ACSM1: variants seen among roughly 807,000 people sequenced by gnomAD.
ACSM1 encodes acyl-coenzyme A synthetase ACSM1, mitochondrial.
ACSM1 carries 79 observed loss-of-function variants against 75.8 expected under a neutral mutation model. The observed-to-expected ratio is 1.04, with a 90% CI of 0.87 to 1.26. ACSM1 has a LOEUF of 1.26. ACSM1 is among the 50% of genes most tolerant of loss of function. The pLI is 0.00. For missense variants in ACSM1, 676 were observed against 720.1 expected (o/e 0.94, Z 0.70); for synonymous variants, 279 against 265.8 (o/e 1.05, Z -0.48).
At chr16:20,627,776 C>A (rs958582959) in intron 10 of ACSM1, among the ~76,000 whole-genome samples, 7 of 148,680 alleles carry the variant, frequency 4.7e-5, no homozygotes, top group Non-Finnish European at 1.0e-4. Flanking sequence ...TTGCAGTGAG[C>A]CAAGATCGCG....
chr16:20,651,435 C>T (rs2018641974), intron 7 of ACSM1, among the ~76,000 whole-genome samples: 1 of 151,852 alleles, frequency 6.6e-6, no homozygotes, highest in African/African-American at 2.4e-5. Context: ...TCAAGACCAG[C>T]TTGGTCAACA....
At chr16:20,644,612 T>C (rs2152225151) in intron 7 of ACSM1, among the ~76,000 whole-genome samples, 1 of 151,716 alleles carries the variant, frequency 6.6e-6, no homozygotes, top group East Asian at 1.9e-4. Flanking sequence ...AGGGAAACTC[T>C]TGTAGAAGCA....
At chr16:20,640,721 G>C (rs1156240276) in intron 7 of ACSM1, 137 bp from the exon 8 acceptor site, 21 of 1,426,968 alleles carry the variant, frequency 1.5e-5, no homozygotes, top group African/African-American at 2.9e-5. Flanking sequence ...TTTTACAGTT[G>C]GCCATGGCCA....
intron 7 of ACSM1, among the ~76,000 whole-genome samples, chr16:20,654,230 C>G (rs1016924734): frequency 6.6e-6 from 1 of 151,132 alleles, no homozygotes; most frequent in Non-Finnish European, 1.5e-5. Flanking sequence ...GGATCCCTTC[C>G]CCTTATACAA....
intron 6 of ACSM1, among the ~76,000 whole-genome samples, chr16:20,667,459 T>C (rs948864211): frequency 5.3e-5 from 8 of 152,186 alleles, no homozygotes; most frequent in African/African-American, 1.9e-4. Flanking sequence ...CACAGTGAGA[T>C]ACCATCTCAC....
intron 6 of ACSM1, among the ~76,000 whole-genome samples, 196 bp downstream of exon 6, chr16:20,669,631 T>A (rs190630118): frequency 6.6e-6 from 1 of 152,224 alleles, no homozygotes; most frequent in East Asian, 1.9e-4. Context: ...TAATACACAT[T>A]TTCTTCAAGG....
intron 7 of ACSM1, among the ~76,000 whole-genome samples, chr16:20,660,597 T>C (rs1288535921): frequency 6.6e-6 from 1 of 152,218 alleles, no homozygotes; most frequent in African/African-American, 2.4e-5. Context: ...TTGGCTGTCA[T>C]ATGAGCTTTG....
At chr16:20,680,426 T>G (rs77734337) in intron 4 of ACSM1, 1 of 152,252 alleles carries the variant, frequency 6.6e-6, no homozygotes, top group Non-Finnish European at 1.5e-5. Context: ...GCTGAAAACA[T>G]AGCTGGCAGC....
At chr16:20,634,966 T>C (rs1468246722) in intron 10 of ACSM1, among the ~76,000 whole-genome samples, 1 of 152,216 alleles carries the variant, frequency 6.6e-6, no homozygotes, top group East Asian at 1.9e-4. Flanking sequence ...ATGGTAATTC[T>C]GTAATTCTTT....
chr16:20,671,729 T>C, intron 4 of ACSM1, 58 bp from the exon 5 acceptor site: 1 of 1,438,530 alleles, frequency 7.0e-7, no homozygotes, highest in Non-Finnish European at 9.2e-7. Flanking sequence ...CTTCATCTTC[T>C]GGGAATGCAA....
At chr16:20,639,243 G>GC (rs1367803107) in intron 8 of ACSM1, among the ~76,000 whole-genome samples, 1 of 152,140 alleles carries the variant, frequency 6.6e-6, no homozygotes, top group East Asian at 1.9e-4. Context: ...TACTCCAAAT[G>GC]CCCCACTCAC....
At chr16:20,638,731 G>T (rs1030622555) in intron 8 of ACSM1, among the ~76,000 whole-genome samples, 1 of 152,202 alleles carries the variant, frequency 6.6e-6, no homozygotes, top group South Asian at 2.1e-4. Flanking sequence ...TTGGACCCAG[G>T]TCTGTGCTCC....
chr16:20,646,307 C>A (rs987640707), intron 7 of ACSM1, among the ~76,000 whole-genome samples: 2 of 152,172 alleles, frequency 1.3e-5, no homozygotes, highest in African/African-American at 4.8e-5. Flanking sequence ...CCCCTTATGT[C>A]AAGGGAATGA....
At chr16:20,658,900 A>G (rs1283501061) in intron 7 of ACSM1, among the ~76,000 whole-genome samples, 2 of 152,168 alleles carry the variant, frequency 1.3e-5, no homozygotes, top group African/African-American at 2.4e-5. Flanking sequence ...TTAATAAGTA[A>G]GGTAACCACA....
At chr16:20,657,341 T>C (rs2019031725) in intron 7 of ACSM1, among the ~76,000 whole-genome samples, 2 of 152,208 alleles carry the variant, frequency 1.3e-5, no homozygotes, top group South Asian at 2.1e-4. Context: ...AGAGTCTCTC[T>C]CTTGTCACCC....
chr16:20,657,510 T>C (rs1005614107), intron 7 of ACSM1, among the ~76,000 whole-genome samples: 6 of 152,128 alleles, frequency 3.9e-5, no homozygotes, highest in Non-Finnish European at 2.9e-5. Context: ...GGTTTCACAA[T>C]GTTGGCCAGG....
chr16:20,670,796 T>C lies in ACSM1; in HGVS notation c.752+735A>G, dbSNP rs963509144. ...CCCTTCTCTCACCTCCATTCCTCCC[T>C]GGGTTTTGCTACTCAACTGTCATCA... is the stretch of plus-strand genomic sequence containing the variant. On this transcript the variant is annotated intron_variant, in intron 5 of 13. Transcript: ENST00000520010. Among the ~76,000 whole-genome samples, 5 of 152,212 alleles carry C rather than the reference T, an allele frequency of 3.3e-5. No individual in the cohort carries two copies. In the East Asian group the frequency reaches 9.6e-4, roughly 29 times the overall value.
In ACSM1 at chr16:20,691,708, AT is replaced by A. The variant is rs1426740072; in HGVS notation, c.-51-470del. On this transcript the variant is annotated intron_variant, in intron 1 of 13. Coordinates refer to ENST00000520010, the MANE Select transcript of ACSM1 (RefSeq NM_001318890.3). ...GTCCAGGGTTGAGCAGTCATTTCTC[AT>A]GACTTTGTAACCTAAGCTGGGCCAA... Among the ~76,000 whole-genome samples, 5 of 149,180 alleles carry A rather than the reference AT, an allele frequency of 3.4e-5. No homozygotes were observed. The East Asian group carries it at 8.2e-4, about 24-fold the overall frequency.
intron 4 of ACSM1, among the ~76,000 whole-genome samples, chr16:20,678,124 T>C (rs796631811): frequency 6.6e-6 from 1 of 152,104 alleles, no homozygotes; most frequent in East Asian, 1.9e-4. Context: ...AGATTCCCCT[T>C]CTGTAGATCC....
Sources: gnomAD v4.1 joint callset for allele counts (sites outside exome capture counted in the v4.1 genomes callset) on GRCh38, gnomAD v4.1.1 for gene constraint, MANE v1.5 for transcripts, NCBI Gene and HGNC (gene_info 2026-07-23, HGNC 2026-07-21) for gene names.